DSCAM: variants seen among roughly 807,000 people sequenced by gnomAD.
DSCAM encodes cell adhesion molecule DSCAM.
In DSCAM, 47 loss-of-function variants were observed where a neutral mutation model predicts 217.7. The ratio of observed to expected loss-of-function variants is 0.22; its 90% CI spans 0.17 to 0.28. The LOEUF (loss-of-function observed/expected upper bound fraction) is 0.28, where lower values mean the gene tolerates loss of function less well. Among genes scored for constraint, DSCAM ranks in the 10% least tolerant of loss-of-function variants. The pLI, the probability that DSCAM is intolerant of heterozygous loss-of-function variation, is 1.00. For missense variants in DSCAM, 2,080 were observed against 2,618.3 expected, an observed-to-expected ratio of 0.79 and a Z score of 4.49; for synonymous variants, 1,056 against 1,015.3, an observed-to-expected ratio of 1.04 and a Z score of -0.76.
Position 40,013,094 on chromosome 21 carries a change from G to A in DSCAM, c.5979C>T (p.Leu1993=), listed in dbSNP as rs190494751. ...AKMSSSQESL[L]DSRGHLKGNN... is the part of the protein sequence containing the mutation. ...TTCCTTTCAAATGGCCCCGGGAGTCGAGCAGTGATTCTTGGGAGCTGCTCA... is the reference window on the plus strand; with the variant it reads ...TTCCTTTCAAATGGCCCCGGGAGTCAAGCAGTGATTCTTGGGAGCTGCTCA... The change falls in exon 33 of 33, where the codon CTC becomes CTT. Residue 1993 remains leucine (L), a synonymous_variant. Transcript: ENST00000400454. 5.3e-4 allele frequency: 848 copies of A among 1,593,022 alleles called. 1 individual carries two copies. Among genetic ancestry groups the A allele is most frequent in the Non-Finnish European group, 6.9e-4 (802 of 1,167,392 alleles).
intron 11 of DSCAM, among the ~76,000 whole-genome samples, chr21:40,198,429 C>A (rs1404095383): frequency 1.3e-5 from 2 of 152,192 alleles, no homozygotes; most frequent in African/African-American, 4.8e-5. Flanking sequence ...CACCACATGC[C>A]TGGATCCCCA....
chr21:40,248,157 C>T (rs868599708), intron 11 of DSCAM, among the ~76,000 whole-genome samples: 6 of 152,172 alleles, frequency 3.9e-5, no homozygotes, highest in African/African-American at 1.4e-4. Context: ...CCTCCTATGC[C>T]TCCAGGTCTG....
chr21:40,779,187 G>A (rs779813971), intron 1 of DSCAM, among the ~76,000 whole-genome samples: 3 of 151,978 alleles, frequency 2.0e-5, no homozygotes, highest in Non-Finnish European at 4.4e-5. Context: ...TCATTTTGGT[G>A]TATTTTTAAA....
At chr21:40,140,619 A>G (rs894669898) in intron 18 of DSCAM, among the ~76,000 whole-genome samples, 2 of 152,130 alleles carry the variant, frequency 1.3e-5, no homozygotes, top group East Asian at 3.9e-4. Context: ...CAGAAGAAAC[A>G]TATGTAATGA....
chr21:40,022,327 G>A (rs2088287803), intron 32 of DSCAM, among the ~76,000 whole-genome samples: 1 of 152,212 alleles, frequency 6.6e-6, no homozygotes, highest in East Asian at 1.9e-4. Flanking sequence ...CCAATGCTCA[G>A]AATAGCCCCT....
chr21:40,780,077 A>G (rs2091526016), intron 1 of DSCAM, among the ~76,000 whole-genome samples: 1 of 152,188 alleles, frequency 6.6e-6, no homozygotes, highest in South Asian at 2.1e-4. Flanking sequence ...CTTCTCAATT[A>G]TAACAATCGC....
intron 3 of DSCAM, among the ~76,000 whole-genome samples, chr21:40,373,587 G>A (rs568536885): frequency 2.6e-5 from 4 of 152,156 alleles, no homozygotes; most frequent in Non-Finnish European, 5.9e-5. Flanking sequence ...CCCCATACCT[G>A]CTTTTATCCT....
chr21:40,147,668 A>G (rs1046198758), intron 16 of DSCAM, among the ~76,000 whole-genome samples: 1 of 152,122 alleles, frequency 6.6e-6, no homozygotes, highest in South Asian at 2.1e-4. Flanking sequence ...ATTTCAGTCT[A>G]TTTATCTAAA....
intron 3 of DSCAM, among the ~76,000 whole-genome samples, chr21:40,612,213 A>C (rs1179766960): frequency 2.6e-5 from 4 of 152,166 alleles, no homozygotes; most frequent in Non-Finnish European, 5.9e-5. Flanking sequence ...CTGCTCATTG[A>C]GATTTATAAT....
At position 40,078,961 on chromosome 21, in the gene DSCAM, C is replaced by T; in HGVS notation, c.4437G>A (p.Lys1479=). ...KTLGKEPQFS[K]EQELFASINT... ...TGATGCTGGCAAACAGCTCCTGCTC[C>T]TTTGAGAACTGGGGCTCTGGGGGAG... The change falls in exon 26 of 33, where the codon AAG becomes AAA. Residue 1479 remains lysine (K), a synonymous_variant. Transcript: ENST00000400454. 1.2e-6 allele frequency: 2 copies of T among 1,613,866 alleles called. No homozygotes were observed. The highest frequency in any genetic ancestry group is 2.2e-5 in the South Asian group (2 of 91,052).
chr21:40,124,095 C>A, intron 20 of DSCAM, 100 bp downstream of exon 20: 1 of 1,531,658 alleles, frequency 6.5e-7, no homozygotes, highest in Non-Finnish European at 8.9e-7. Context: ...TGGAAAGACC[C>A]AGGTAGGTGG....
intron 28 of DSCAM, among the ~76,000 whole-genome samples, chr21:40,060,418 A>C (rs2089097984): frequency 6.6e-6 from 1 of 152,222 alleles, no homozygotes; most frequent in South Asian, 2.1e-4. Flanking sequence ...CCGCAGTTTC[A>C]CAGCCTCTGG....
chr21:40,551,798 A>G (rs533504846), intron 3 of DSCAM, among the ~76,000 whole-genome samples: 2 of 152,248 alleles, frequency 1.3e-5, no homozygotes, highest in Non-Finnish European at 2.9e-5. Context: ...TTTAATGTTA[A>G]TGCTGCTCAG....
Position 40,629,208 on chromosome 21 carries a change from C to A in DSCAM, c.508+63602G>T, listed in dbSNP as rs570559328. Among the ~76,000 whole-genome samples the A allele has an allele frequency of 2.0e-5, 3 of 151,840 alleles. No homozygotes were observed. The South Asian group carries it at 6.3e-4, about 32-fold the overall frequency. On this transcript the variant is annotated intron_variant, in intron 3 of 32. Coordinates refer to ENST00000400454, the MANE Select transcript of DSCAM (RefSeq NM_001389.5). ...TTAGTCTCTACTCTTATGCAGAGGC[C>A]CAGAGATTGAGAGTCATGGGTCAAA...
Position 40,712,809 on chromosome 21 carries a change from C to CAGAGAG in DSCAM, c.44-4044_44-4039dup, listed in dbSNP as rs142528775. Among the ~76,000 whole-genome samples the CAGAGAG allele has an allele frequency of 2.7e-3, 406 of 149,042 alleles. 1 individual carries two copies. Among genetic ancestry groups the CAGAGAG allele is most frequent in the African/African-American group, 8.3e-3 (335 of 40,340 alleles). On this transcript the variant is annotated intron_variant, in intron 1 of 32. Transcript: ENST00000400454. ...GGAACTGACTGTATAGAAGTTGAGA[C>CAGAGAG]AGAGAGAGAGAGAGAGAGAGAGAGA...
At chr21:40,240,604 T>G (rs2146941105) in intron 11 of DSCAM, among the ~76,000 whole-genome samples, 1 of 152,206 alleles carries the variant, frequency 6.6e-6, no homozygotes, top group Admixed American at 6.5e-5. Context: ...TGTCAGAAAT[T>G]TCTTCCCCAT....
At chr21:40,177,634 A>C (rs2090747705) in intron 15 of DSCAM, among the ~76,000 whole-genome samples, 1 of 152,228 alleles carries the variant, frequency 6.6e-6, no homozygotes, top group Non-Finnish European at 1.5e-5. Flanking sequence ...TGGAGATAGC[A>C]AAAGACATAC....
chr21:40,476,846 A>G (rs1338987510), intron 3 of DSCAM, among the ~76,000 whole-genome samples: 1 of 152,170 alleles, frequency 6.6e-6, no homozygotes, highest in East Asian at 1.9e-4. Flanking sequence ...CCAATTAACC[A>G]TGAACTGCCA....
In DSCAM at chr21:40,286,286, C is replaced by A. The variant is rs151099901; in HGVS notation, c.2182+9769G>T. 7.7e-4 allele frequency among the ~76,000 whole-genome samples: 117 copies of A among 152,272 alleles called. 1 individual carries two copies. The Middle Eastern group carries it at 0.01, about 13-fold the overall frequency. ...TCTCAGAACAGGGATGCAAAAGAGA[C>A]ACTTGTCTGAGCAAAGCCTGTGGAA... On this transcript the variant is annotated intron_variant, in intron 10 of 32. Coordinates refer to ENST00000400454, the MANE Select transcript of DSCAM (RefSeq NM_001389.5).
Sources: allele counts gnomAD v4.1 joint callset (sites outside exome capture counted in the v4.1 genomes callset), GRCh38; gene constraint gnomAD v4.1.1; transcripts MANE v1.5; gene names NCBI Gene and HGNC (gene_info 2026-07-23, HGNC 2026-07-21).